LRBA: variants seen among roughly 807,000 people sequenced by gnomAD.
LRBA encodes the protein LPS responsive beige-like anchor protein, also known as lipopolysaccharide-responsive and beige-like anchor protein.
A neutral mutation model predicts 330.0 loss-of-function variants in LRBA; 176 were observed. The observed-to-expected ratio is 0.53, with a 90% CI of 0.47 to 0.60. LRBA has a LOEUF of 0.60. Among genes scored for constraint, LRBA ranks in the 20% least tolerant of loss-of-function variants. The probability of loss-of-function intolerance (pLI) is 0.00; values close to 1 mark genes in which losing one functional copy is unlikely to be tolerated. For synonymous variants in LRBA, 1,230 were observed against 1,193.0 expected (o/e 1.03, Z -0.64); for missense variants, 3,259 against 3,444.8 (o/e 0.95, Z 1.35).
chr4:150,368,680 T>C (rs962329995), intron 47 of LRBA, among the ~76,000 whole-genome samples: 1 of 152,226 alleles, frequency 6.6e-6, no homozygotes, highest in Non-Finnish European at 1.5e-5. Context: ...TTTCACTTAA[T>C]CATCCTTCTT....
rs189602401 is a variant in LRBA at position 150,767,790 on chromosome 4, G to A, written c.5581-5943C>T. On this transcript the variant is annotated intron_variant, in intron 34 of 56. Transcript: ENST00000651943. ...AAAAAAAAAAAAAATTTGGCCAGGC[G>A]CGGTGGCTCACACGTGTAATTCCAG... 3.5e-3 allele frequency among the ~76,000 whole-genome samples: 494 copies of A among 142,680 alleles called. 3 individuals are homozygous for A. The highest frequency in any genetic ancestry group is 0.012 in the African/African-American group (462 of 37,850). The allele number at this position is 142,680 out of a possible 152,430, so 93.6% of individuals were successfully genotyped here.
chr4:150,469,570 A>G (rs909979564), intron 43 of LRBA, among the ~76,000 whole-genome samples: 11 of 152,182 alleles, frequency 7.2e-5, no homozygotes, highest in African/African-American at 2.7e-4. Flanking sequence ...TCTTTTAGTC[A>G]CTAGTTCTAT....
At chr4:150,752,856 T>TA (rs1283308568) in intron 35 of LRBA, among the ~76,000 whole-genome samples, 1 of 152,148 alleles carries the variant, frequency 6.6e-6, no homozygotes, top group African/African-American at 2.4e-5. Context: ...TTAGATAAAA[T>TA]AATTTCTTAG....
At chr4:150,920,954 G>A (rs140795465) in intron 5 of LRBA, among the ~76,000 whole-genome samples, 16 of 152,290 alleles carry the variant, frequency 1.1e-4, no homozygotes, top group Non-Finnish European at 2.2e-4. Flanking sequence ...AAAAGAATGA[G>A]GTTCTTATTC....
chr4:150,412,495 G>C (rs1011347583), intron 47 of LRBA, among the ~76,000 whole-genome samples: 3 of 152,120 alleles, frequency 2.0e-5, no homozygotes, highest in Non-Finnish European at 1.5e-5. Flanking sequence ...GCTCTTCTGA[G>C]GTGAAGGCAG....
intron 37 of LRBA, among the ~76,000 whole-genome samples, chr4:150,671,927 G>A (rs531312013): frequency 2.0e-5 from 3 of 152,300 alleles, no homozygotes; most frequent in East Asian, 1.9e-4. Context: ...CAATATGAAG[G>A]AACTGTTTAA....
At chr4:150,717,207 T>C (rs928793794) in intron 36 of LRBA, among the ~76,000 whole-genome samples, 33 of 152,182 alleles carry the variant, frequency 2.2e-4, no homozygotes, top group Admixed American at 1.6e-3. Flanking sequence ...CTCAGAGGAC[T>C]GTTATGATAA....
Position 150,928,905 on chromosome 4 carries a change from T to C in LRBA, c.377A>G (p.Gln126Arg), listed in dbSNP as rs1183305943. ...AACAAGGCCTACTTCAGTGCAGACTTGAAGATTCCGTATGCTTTTCTTCAG... is the reference window on the plus strand; with the variant it reads ...AACAAGGCCTACTTCAGTGCAGACTCGAAGATTCCGTATGCTTTTCTTCAG... ...AILKKSIRNLQVCTEVGLVEK... is the reference protein window; with the variant it reads ...AILKKSIRNLRVCTEVGLVEK... Residue 126 changes from glutamine (Q) to arginine (R), a missense_variant, in exon 3 of 57, where the codon CAA becomes CGA. Gln to Arg is a conservative substitution (Grantham distance 43). Transcript: ENST00000651943. 4 of 1,614,138 alleles carry C rather than the reference T, an allele frequency of 2.5e-6. No individual in the cohort carries two copies. The highest frequency in any genetic ancestry group is 3.4e-6 in the Non-Finnish European group (4 of 1,180,000).
chr4:150,310,378 T>C lies in LRBA; in HGVS notation c.7700A>G (p.Asn2567Ser), dbSNP rs138569653. 1.9e-6 allele frequency: 3 copies of C among 1,612,142 alleles called. No individual in the cohort carries two copies. Among genetic ancestry groups the C allele is most frequent in the Non-Finnish European group, 2.5e-6 (3 of 1,178,934 alleles). ...PVEIDPLIASNTGMHRRQITD... is the reference protein window; with the variant it reads ...PVEIDPLIASSTGMHRRQITD... ...GATTTGCCTCCTGTGCATTCCTGTA[T>C]TGCTGGCTGTAAGAATAGGGAGGAA... Residue 2567 changes from asparagine (N) to serine (S), a missense_variant, in exon 52 of 57, where the codon AAT becomes AGT. Transcript: ENST00000651943.
chr4:150,798,267 T>C (rs1232027754), intron 33 of LRBA, 125 bp from the exon 34 acceptor site: 2 of 620,906 alleles, frequency 3.2e-6, no homozygotes, highest in Non-Finnish European at 5.8e-6. Flanking sequence ...TTTAATCACA[T>C]GATCAAATAA....
chr4:150,425,274 C>CA (rs1325091493), intron 46 of LRBA, among the ~76,000 whole-genome samples: 3 of 152,174 alleles, frequency 2.0e-5, no homozygotes, highest in Non-Finnish European at 2.9e-5. Flanking sequence ...AACACATGTT[C>CA]AGCAATTCTT....
At chr4:150,795,501 A>T (rs1182886190) in intron 34 of LRBA, among the ~76,000 whole-genome samples, 1 of 152,048 alleles carries the variant, frequency 6.6e-6, no homozygotes, top group Non-Finnish European at 1.5e-5. Context: ...TTCTTGAATT[A>T]TTCTACATGG....
chr4:150,463,553 C>T (rs1011324993), intron 44 of LRBA, among the ~76,000 whole-genome samples: 7 of 151,850 alleles, frequency 4.6e-5, no homozygotes, highest in African/African-American at 1.7e-4. Flanking sequence ...CCCTTTTTTA[C>T]TTTTAATGTA....
intron 40 of LRBA, among the ~76,000 whole-genome samples, chr4:150,496,110 T>C (rs1287031021): frequency 6.6e-6 from 1 of 152,176 alleles, no homozygotes; most frequent in East Asian, 1.9e-4. Flanking sequence ...ACCTATCTTT[T>C]TTAAAAGTTT....
At chr4:150,327,646 G>A (rs550186936) in intron 48 of LRBA, among the ~76,000 whole-genome samples, 57 of 152,240 alleles carry the variant, frequency 3.7e-4, no homozygotes, top group African/African-American at 1.3e-3. Flanking sequence ...GCTTATCTCC[G>A]TTTCCCATCT....
In LRBA at chr4:150,516,215, C is replaced by CTTTTTTTTTTTTTTTTTT. The variant is rs1384014823; in HGVS notation, c.6331-25181_6331-25180insAAAAAAAAAAAAAAAAAA. Among the ~76,000 whole-genome samples the CTTTTTTTTTTTTTTTTTT allele has an allele frequency of 4.5e-4, 39 of 86,676 alleles. 16 individuals carry two copies. Among genetic ancestry groups the CTTTTTTTTTTTTTTTTTT allele is most frequent in the Non-Finnish European group, 6.6e-4 (30 of 45,152 alleles). 56.9% of individuals were successfully genotyped at this position (86,676 alleles called of 152,430 possible). A position where few individuals can be genotyped will look rare whatever the true frequency, so the allele number is the denominator to read the frequency against. On this transcript the variant is annotated intron_variant, in intron 40 of 56. Coordinates refer to ENST00000651943, the MANE Select transcript of LRBA (RefSeq NM_001364905.1). Reference sequence around the variant, plus strand: ...GTAATTCAGTCTGACATTTTCTATTCTCTTTTTTTTTTTTTTTTTTTTTTT... The same window carrying CTTTTTTTTTTTTTTTTTT: ...GTAATTCAGTCTGACATTTTCTATTCTTTTTTTTTTTTTTTTTTTCTTTTTTTTTTTTTTTTTTTTTTT...
chr4:151,014,051 A>C (rs1745147255), intron 2 of LRBA: 1 of 164,906 alleles, frequency 6.1e-6, no homozygotes, highest in East Asian at 1.7e-4. Flanking sequence ...TTAATTCTCA[A>C]GTCCAAAAAA....
In LRBA at chr4:150,702,678, T is replaced by G. The variant is rs28391504; in HGVS notation, c.5755-18961A>C. 6.0e-3 allele frequency among the ~76,000 whole-genome samples: 907 copies of G among 152,278 alleles called. 13 individuals are homozygous for G. Among genetic ancestry groups the G allele is most frequent in the African/African-American group, 0.021 (864 of 41,552 alleles). ...ACAAATCCCAAATCTGTGCTTTCTA[T>G]CATACACTACAGACTGCAAAAACGA... On this transcript the variant is annotated intron_variant, in intron 36 of 56. Coordinates refer to ENST00000651943, the MANE Select transcript of LRBA (RefSeq NM_001364905.1).
intron 48 of LRBA, among the ~76,000 whole-genome samples, chr4:150,332,305 G>C (rs985418917): frequency 2.6e-5 from 4 of 152,022 alleles, no homozygotes; most frequent in African/African-American, 9.6e-5. Context: ...TGAAGACTTA[G>C]CTCAGGCATC....
Sources: allele counts gnomAD v4.1 joint callset (sites outside exome capture counted in the v4.1 genomes callset), GRCh38; gene constraint gnomAD v4.1.1; transcripts MANE v1.5; gene names NCBI Gene and HGNC (gene_info 2026-07-23, HGNC 2026-07-21).